Variants in CNTNAP3B observed in about 807,000 individuals in gnomAD.
CNTNAP3B encodes contactin associated protein family member 3B.
CNTNAP3B carries 25 observed loss-of-function variants against 108.9 expected under a neutral mutation model. That is an observed-to-expected ratio of 0.23 (90% confidence interval 0.17 to 0.32). The LOEUF (loss-of-function observed/expected upper bound fraction) is 0.32. Among genes scored for constraint, CNTNAP3B ranks in the 10% least tolerant of loss-of-function variants. The probability of loss-of-function intolerance (pLI) is 1.00; values close to 1 mark genes in which losing one functional copy is unlikely to be tolerated. For missense variants in CNTNAP3B, 252 were observed against 1,210.4 expected (o/e 0.21, Z 11.75); for synonymous variants, 103 against 473.4 (o/e 0.22, Z 10.16).
intron 14 of CNTNAP3B, among the ~76,000 whole-genome samples, chr9:41,936,260 G>C (rs1356674410): frequency 1.9e-3 from 259 of 139,780 alleles, no homozygotes; most frequent in African/African-American, 3.4e-3. Context: ...CTGGGCGACA[G>C]AGAGAGACTC....
chr9:42,032,059 G>T (rs1302587835), intron 3 of CNTNAP3B, among the ~76,000 whole-genome samples: 1 of 128,516 alleles, frequency 7.8e-6, no homozygotes, highest in Admixed American at 7.8e-5. Flanking sequence ...GAGTTTGTGC[G>T]AACGGGGCCT....
rs543857075 is a variant in CNTNAP3B, at chr9:42,116,772, C to G, written c.86-12033G>C. Reference sequence around the variant, plus strand: ...AGACCCATCAGTGTGCTGTATTCAGCAGACCCTGCTCACGTGCAGAGACAC... The same window carrying G: ...AGACCCATCAGTGTGCTGTATTCAGGAGACCCTGCTCACGTGCAGAGACAC... On this transcript the variant is annotated intron_variant, in intron 1 of 23. Coordinates refer to ENST00000377561, the MANE Select transcript of CNTNAP3B (RefSeq NM_001201380.3). 6.5e-4 allele frequency among the ~76,000 whole-genome samples: 91 copies of G among 138,944 alleles called. 9 individuals are homozygous for G. Among genetic ancestry groups the G allele is most frequent in the Middle Eastern group, 3.5e-3 (1 of 288 alleles). The allele number at this position is 138,944 out of a possible 152,430, so 91.2% of individuals were successfully genotyped here. A position where few individuals can be genotyped will look rare whatever the true frequency, so the allele number is the denominator to read the frequency against.
At chr9:42,112,416 G>A (rs1828210463) in intron 1 of CNTNAP3B, among the ~76,000 whole-genome samples, 1 of 138,948 alleles carries the variant, frequency 7.2e-6, no homozygotes, top group Admixed American at 7.1e-5. Flanking sequence ...GGGATGAGAG[G>A]GAACAGGAGA....
chr9:41,942,385 C>T (rs1235126496), intron 13 of CNTNAP3B, among the ~76,000 whole-genome samples: 26 of 152,136 alleles, frequency 1.7e-4, no homozygotes, highest in Admixed American at 6.5e-4. Context: ...CTGAGGCGGG[C>T]GGATCACGAG....
At chr9:42,043,179 T>G (rs1826801545) in intron 3 of CNTNAP3B, among the ~76,000 whole-genome samples, 1 of 120,596 alleles carries the variant, frequency 8.3e-6, no homozygotes, top group Admixed American at 8.4e-5. Flanking sequence ...ATTCTTTTTT[T>G]TTTTTTTTTG....
At chr9:41,927,512 T>C (rs1401266014) in intron 15 of CNTNAP3B, among the ~76,000 whole-genome samples, 3 of 125,200 alleles carry the variant, frequency 2.4e-5, no homozygotes, top group Non-Finnish European at 3.2e-5. Context: ...CCAGACTGAA[T>C]GGGAGGGAGG....
intron 1 of CNTNAP3B, among the ~76,000 whole-genome samples, chr9:42,113,909 T>TCGATATATACACC (rs1287644217): frequency 1.4e-5 from 2 of 138,212 alleles, no homozygotes; most frequent in Admixed American, 1.4e-4. Flanking sequence ...ATGTAGACCA[T>TCGATATATACACC]CGATATATAC....
At chr9:42,066,968 T>TA (rs1383322064) in intron 3 of CNTNAP3B, among the ~76,000 whole-genome samples, 9 of 150,882 alleles carry the variant, frequency 6.0e-5, no homozygotes, top group Admixed American at 1.3e-4. Flanking sequence ...GACCAAATTA[T>TA]AAAAAAAAGT....
intron 15 of CNTNAP3B, among the ~76,000 whole-genome samples, chr9:41,926,295 C>T (rs1403354719): frequency 1.3e-5 from 2 of 152,122 alleles, no homozygotes; most frequent in African/African-American, 4.8e-5. Context: ...GACCCTATCC[C>T]TGCAGATCCC....
chr9:41,950,488 G>T (rs1824642075), intron 13 of CNTNAP3B, among the ~76,000 whole-genome samples: 1 of 116,088 alleles, frequency 8.6e-6, no homozygotes, highest in Non-Finnish European at 1.9e-5. Context: ...AAACAACCCA[G>T]ATGCCCTTCA....
chr9:41,956,357 G>T lies in CNTNAP3B; in HGVS notation c.1877-2971C>A, dbSNP rs1461848115. Among the ~76,000 whole-genome samples the T allele has an allele frequency of 5.3e-5, 8 of 152,224 alleles. No individual in the cohort carries two copies. The South Asian group carries it at 1.5e-3, about 28-fold the overall frequency. On this transcript the variant is annotated intron_variant, in intron 12 of 23. Coordinates refer to ENST00000377561, the MANE Select transcript of CNTNAP3B (RefSeq NM_001201380.3). ...GCCGAGATCGTGCCACTGTACTCCA[G>T]CCTGGGTGACAGAGCAAGCCTCTGT...
At chr9:41,969,810 G>C (rs1195795874) in intron 10 of CNTNAP3B, among the ~76,000 whole-genome samples, 1 of 112,448 alleles carries the variant, frequency 8.9e-6, no homozygotes, top group Non-Finnish European at 1.9e-5. Flanking sequence ...ATTTTTAGTA[G>C]AGACGGGGTT....
intron 1 of CNTNAP3B, among the ~76,000 whole-genome samples, chr9:42,117,933 G>A (rs1828358147): frequency 2.2e-5 from 3 of 138,716 alleles, no homozygotes; most frequent in Non-Finnish European, 3.1e-5. Context: ...TAGAAGAAAT[G>A]GATAAATTCC....
chr9:41,930,315 G>T (rs1453154682), intron 14 of CNTNAP3B, among the ~76,000 whole-genome samples: 2 of 152,270 alleles, frequency 1.3e-5, no homozygotes, highest in Admixed American at 1.3e-4. Context: ...GACTGGGGTG[G>T]GCAGATTGCT....
chr9:41,965,079 C>T (rs1397578016), intron 10 of CNTNAP3B, among the ~76,000 whole-genome samples: 1 of 152,284 alleles, frequency 6.6e-6, no homozygotes, highest in Non-Finnish European at 1.5e-5. Flanking sequence ...GACAGAGGTT[C>T]AGAAATTTTG....
chr9:41,916,044 T>C lies in CNTNAP3B; in HGVS notation c.2995+4026A>G, dbSNP rs1315070892. 2.8e-4 allele frequency among the ~76,000 whole-genome samples: 43 copies of C among 151,492 alleles called. No individual in the cohort carries two copies. The East Asian group carries it at 5.8e-3, about 20-fold the overall frequency. On this transcript the variant is annotated intron_variant, in intron 18 of 23. Coordinates refer to ENST00000377561, the MANE Select transcript of CNTNAP3B (RefSeq NM_001201380.3). ...ACTATTTTTATGCATACCAAACCCA[T>C]TATTATTTTATATAATTTGTTCTCT...
chr9:41,930,921 T>A (rs1218191052), intron 14 of CNTNAP3B, among the ~76,000 whole-genome samples: 1 of 152,244 alleles, frequency 6.6e-6, no homozygotes, highest in Non-Finnish European at 1.5e-5. Flanking sequence ...TATATGCATA[T>A]ATAATAAAAT....
Position 41,962,590 on chromosome 9 carries a change from T to C in CNTNAP3B, c.1757-1698A>G, listed in dbSNP as rs553949606. The stretch of plus-strand genomic sequence containing the variant: ...AGATACACAGAAGTAAAAGATGTGG[T>C]CCCTGCACCAACTCTATGACCTTAT... On this transcript the variant is annotated intron_variant, in intron 11 of 23. Coordinates refer to ENST00000377561, the MANE Select transcript of CNTNAP3B (RefSeq NM_001201380.3). Among the ~76,000 whole-genome samples, 16 of 142,756 alleles carry C rather than the reference T, an allele frequency of 1.1e-4. No individual in the cohort carries two copies. In the South Asian group the frequency reaches 3.6e-3, roughly 32 times the overall value. The allele number at this position is 142,756 out of a possible 152,430, so 93.7% of individuals were successfully genotyped here. A position where few individuals can be genotyped will look rare whatever the true frequency, so the allele number is the denominator to read the frequency against.
intron 13 of CNTNAP3B, among the ~76,000 whole-genome samples, chr9:41,940,751 C>T (rs1824316291): frequency 6.6e-6 from 1 of 152,022 alleles, no homozygotes; most frequent in Non-Finnish European, 1.5e-5. Flanking sequence ...GGAGGCGGAG[C>T]CTGCAGTGAG....
Sources: allele counts gnomAD v4.1 joint callset (sites outside exome capture counted in the v4.1 genomes callset), GRCh38; gene constraint gnomAD v4.1.1; transcripts MANE v1.5; gene names NCBI Gene and HGNC (gene_info 2026-07-23, HGNC 2026-07-21).